Variants in SVIP observed in about 807,000 individuals in gnomAD.
SVIP encodes small VCP interacting protein, also known as small VCP/p97-interacting protein.
Under a neutral mutation model 12.9 loss-of-function variants are expected in SVIP, and 14 were observed. The observed-to-expected ratio is 1.08, with a 90% CI of 0.72 to 1.70. The LOEUF is 1.70. Among genes scored for constraint, SVIP ranks in the 40% most tolerant of loss-of-function variants. SVIP has a pLI of 0.00. For synonymous variants in SVIP, 35 were observed against 33.3 expected, an observed-to-expected ratio of 1.05 and a Z score of -0.17; for missense variants, 93 against 90.8, an observed-to-expected ratio of 1.02 and a Z score of -0.10.
intron 2 of SVIP, 148 bp downstream of exon 2, chr11:22,827,676 G>A (rs1857769413): frequency 1.9e-6 from 1 of 512,916 alleles, no homozygotes; most frequent in African/African-American, 2.0e-5. Flanking sequence ...TATAAATAAG[G>A]AAATCATTTT....
intron 3 of SVIP, among the ~76,000 whole-genome samples, chr11:22,826,069 T>TA (rs1489480872): frequency 1.2e-4 from 19 of 152,180 alleles, no homozygotes; most frequent in Admixed American, 8.5e-4. Context: ...TATGGAATTA[T>TA]AAAAAACATA....
At chr11:22,829,603 C>T (rs576060736) in intron 1 of SVIP, 92 bp downstream of exon 1, 3 of 1,342,712 alleles carry the variant, frequency 2.2e-6, no homozygotes, top group Non-Finnish European at 3.1e-6. Context: ...TCTCGACCTG[C>T]GCCACCAGGT....
rs1402810823 is a variant in SVIP, at chr11:22,822,089, A to G, written c.*1030T>C. On this transcript the variant is annotated 3_prime_UTR_variant, in exon 4 of 4. Coordinates refer to ENST00000354193, the MANE Select transcript of SVIP (RefSeq NM_148893.3). ...ACAAATTCTTTTATTTCAGTGTATT[A>G]TATAGGAGAAACAAAAAATGCTATA... 2 of 152,216 alleles carry G rather than the reference A, an allele frequency of 1.3e-5. No homozygotes were observed. Among genetic ancestry groups the G allele is most frequent in the East Asian group, 3.8e-4 (2 of 5,208 alleles). The allele number at this position is 152,216 out of a possible 1,614,324, so 9.4% of individuals were successfully genotyped here.
At chr11:22,824,090 T>C (rs1364127295) in intron 3 of SVIP, among the ~76,000 whole-genome samples, 1 of 152,156 alleles carries the variant, frequency 6.6e-6, no homozygotes, top group Non-Finnish European at 1.5e-5. Context: ...GACTCTGAAG[T>C]TGGTAACCAC....
intron 1 of SVIP, 74 bp from the exon 2 acceptor site, chr11:22,827,948 A>C: frequency 8.4e-7 from 1 of 1,190,710 alleles, no homozygotes. Flanking sequence ...TTTATTTCAT[A>C]GGCACTATAA....
rs1248053322 is a variant in SVIP at position 22,819,859 on chromosome 11, T to C, written c.*3260A>G. 3.9e-5 allele frequency: 6 copies of C among 152,222 alleles called. No homozygotes were observed. Among genetic ancestry groups the C allele is most frequent in the Admixed American group, 2.6e-4 (4 of 15,288 alleles). 9.4% of individuals were successfully genotyped at this position (152,222 alleles called of 1,614,324 possible). ...GATATCCACAGGAGTAATGTATGAA[T>C]ACTTAATTTGTAGGCAATAGTTATC... On this transcript the variant is annotated 3_prime_UTR_variant, in exon 4 of 4. Transcript: ENST00000354193.
intron 2 of SVIP, among the ~76,000 whole-genome samples, chr11:22,827,580 A>G (rs1263017141): frequency 6.6e-6 from 1 of 152,154 alleles, no homozygotes; most frequent in Admixed American, 6.5e-5. Flanking sequence ...CCATTTTAAA[A>G]GGAAGGATGT....
chr11:22,824,252 G>T (rs892648461), intron 3 of SVIP, among the ~76,000 whole-genome samples: 2 of 151,974 alleles, frequency 1.3e-5, no homozygotes, highest in African/African-American at 4.8e-5. Context: ...AAATGGTTTG[G>T]CAAGGTCTTT....
In SVIP at chr11:22,829,726, G is replaced by T. The variant is rs1857889202; in HGVS notation, c.23C>A (p.Pro8His). Reference sequence around the variant, plus strand: ...CGGCGTGGGAGGCGCGGACTCCCCGGGACAAGGAAAACACAGCCCCATAGG... The same window carrying T: ...CGGCGTGGGAGGCGCGGACTCCCCGTGACAAGGAAAACACAGCCCCATAGG... MGLCFPC[P>H]GESAPPTPDL... Residue 8 changes from proline to histidine, a missense_variant, in exon 1 of 4, where the codon CCC (proline) becomes CAC (histidine). By Grantham distance (77) the Pro-to-His change is moderately conservative. Transcript: ENST00000354193. 1.9e-6 allele frequency: 3 copies of T among 1,607,438 alleles called. No individual in the cohort carries two copies. The highest frequency in any genetic ancestry group is 3.3e-4 in the Middle Eastern group (2 of 6,048).
chr11:22,825,756 A>T (rs1034085688), intron 3 of SVIP, among the ~76,000 whole-genome samples: 1 of 152,180 alleles, frequency 6.6e-6, no homozygotes, highest in Non-Finnish European at 1.5e-5. Context: ...TAATTTCATT[A>T]GGTTAGAACT....
At chr11:22,825,082 T>C (rs1226221441) in intron 3 of SVIP, among the ~76,000 whole-genome samples, 1 of 151,852 alleles carries the variant, frequency 6.6e-6, no homozygotes, top group Non-Finnish European at 1.5e-5. Context: ...GATGAATAGG[T>C]GAAAGGCATG....
chr11:22,827,838 TCTCTGCAGC>T lies in SVIP; in HGVS notation c.82_90del (p.Ala28_Glu30del). On this transcript the variant is annotated inframe_deletion, in exon 2 of 4. Coordinates refer to ENST00000354193, the MANE Select transcript of SVIP (RefSeq NM_148893.3). ...TTTAATCTTACCTCTTTTTGTCTTCTCTCTGCAGCCTCTGCAAGCTTTGCTCTTTTCTCT... is the reference window on the plus strand; with the variant it reads ...TTTAATCTTACCTCTTTTTGTCTTCTCTCTGCAAGCTTTGCTCTTTTCTCT... 6.3e-7 allele frequency: 1 copy of T among 1,583,540 alleles called. No homozygotes were observed. Among genetic ancestry groups the T allele is most frequent in the South Asian group, 1.2e-5 (1 of 84,446 alleles).
Position 22,820,928 on chromosome 11 carries a change from T to G in SVIP, c.*2191A>C, listed in dbSNP as rs1857458165. 1 of 151,944 alleles carries G rather than the reference T, an allele frequency of 6.6e-6. No homozygotes were observed. The highest frequency in any genetic ancestry group is 6.6e-5 in the Admixed American group (1 of 15,240). 9.4% of individuals were successfully genotyped at this position (151,944 alleles called of 1,614,324 possible). A position where few individuals can be genotyped will look rare whatever the true frequency, so the allele number is the denominator to read the frequency against. On this transcript the variant is annotated 3_prime_UTR_variant, in exon 4 of 4. Coordinates refer to ENST00000354193, the MANE Select transcript of SVIP (RefSeq NM_148893.3). The stretch of plus-strand genomic sequence containing the variant: ...TAGGTCAGGGGTTTGAGCAACATTT[T>G]AAGCATTATAATTTTCTCCTAAATT...
chr11:22,820,585 T>TA lies in SVIP; in HGVS notation c.*2533dup, dbSNP rs996225966. 1 of 152,130 alleles carries TA rather than the reference T, an allele frequency of 6.6e-6. No individual in the cohort carries two copies. Among genetic ancestry groups the TA allele is most frequent in the Non-Finnish European group, 1.5e-5 (1 of 68,014 alleles). The allele number at this position is 152,130 out of a possible 1,614,324, so 9.4% of individuals were successfully genotyped here. A position where few individuals can be genotyped will look rare whatever the true frequency, so the allele number is the denominator to read the frequency against. On this transcript the variant is annotated 3_prime_UTR_variant, in exon 4 of 4. Coordinates refer to ENST00000354193, the MANE Select transcript of SVIP (RefSeq NM_148893.3). Reference sequence around the variant, plus strand: ...GGATGTAGTAAAGATAAAATTTTGTTAAAGAGACAGCTAAAGCTAATTTTT... The same window carrying TA: ...GGATGTAGTAAAGATAAAATTTTGTTAAAAGAGACAGCTAAAGCTAATTTTT...
Position 22,820,693 on chromosome 11 carries a change from C to T in SVIP, c.*2426G>A, listed in dbSNP as rs753376172. On this transcript the variant is annotated 3_prime_UTR_variant, in exon 4 of 4. Transcript: ENST00000354193. ...ACCATGTGTGAGAACTGTTAAATTA[C>T]ATTCCAAATACCAGCAGTGGAACAA... 2 of 152,134 alleles carry T rather than the reference C, an allele frequency of 1.3e-5. No individual in the cohort carries two copies. Among genetic ancestry groups the T allele is most frequent in the Admixed American group, 6.5e-5 (1 of 15,274 alleles). The allele number at this position is 152,134 out of a possible 1,614,324, so 9.4% of individuals were successfully genotyped here. A position where few individuals can be genotyped will look rare whatever the true frequency, so the allele number is the denominator to read the frequency against.
At chr11:22,823,562 C>T (rs1235781517) in intron 3 of SVIP, among the ~76,000 whole-genome samples, 3 of 152,098 alleles carry the variant, frequency 2.0e-5, no homozygotes, top group Non-Finnish European at 2.9e-5. Flanking sequence ...ACCCCCAGGT[C>T]ATAAAACCCA....
intron 3 of SVIP, among the ~76,000 whole-genome samples, chr11:22,826,273 A>G (rs1857698802): frequency 6.6e-6 from 1 of 152,178 alleles, no homozygotes; most frequent in Non-Finnish European, 1.5e-5. Context: ...CAGGGTGTTC[A>G]TAAACTGCCT....
Position 22,822,066 on chromosome 11 carries a change from A to G in SVIP, c.*1053T>C, listed in dbSNP as rs1031399955. ...AGCTATCAGCCTTAATAGCTAACACAAATTCTTTTATTTCAGTGTATTATA... is the reference window on the plus strand; with the variant it reads ...AGCTATCAGCCTTAATAGCTAACACGAATTCTTTTATTTCAGTGTATTATA... On this transcript the variant is annotated 3_prime_UTR_variant, in exon 4 of 4. Transcript: ENST00000354193. 1 of 152,210 alleles carries G rather than the reference A, an allele frequency of 6.6e-6. No individual in the cohort carries two copies. Among genetic ancestry groups the G allele is most frequent in the Non-Finnish European group, 1.5e-5 (1 of 68,006 alleles). 9.4% of individuals were successfully genotyped at this position (152,210 alleles called of 1,614,324 possible).
Position 22,819,139 on chromosome 11 carries a change from T to C in SVIP, c.*3980A>G, listed in dbSNP as rs1564902895. On this transcript the variant is annotated 3_prime_UTR_variant, in exon 4 of 4. Coordinates refer to ENST00000354193, the MANE Select transcript of SVIP (RefSeq NM_148893.3). ...AGTCATTTATTAGTTCCAGAAGTTT[T>C]TGTGGAACCTCTGAGAATTTTCTAC... The C allele has an allele frequency of 6.6e-6, 1 of 152,224 alleles. No homozygotes were observed. Among genetic ancestry groups the C allele is most frequent in the Non-Finnish European group, 1.5e-5 (1 of 68,030 alleles). 9.4% of individuals were successfully genotyped at this position (152,224 alleles called of 1,614,324 possible).
Sources: allele counts gnomAD v4.1 joint callset (sites outside exome capture counted in the v4.1 genomes callset), GRCh38; gene constraint gnomAD v4.1.1; transcripts MANE v1.5; gene names NCBI Gene and HGNC (gene_info 2026-07-23, HGNC 2026-07-21).